Variants in KIF9 observed in about 807,000 individuals in gnomAD.
KIF9 encodes kinesin-like protein KIF9.
Under a neutral mutation model 94.8 loss-of-function variants are expected in KIF9, and 68 were observed. The observed-to-expected ratio is 0.72, with a 90% CI of 0.59 to 0.88. The LOEUF (loss-of-function observed/expected upper bound fraction) is 0.88, where lower values mean the gene tolerates loss of function less well. Ranked by LOEUF, KIF9 falls within the 40% of genes least tolerant of loss-of-function variation. KIF9 has a pLI of 0.00. For missense variants in KIF9, 882 were observed against 982.5 expected, an observed-to-expected ratio of 0.90 and a Z score of 1.37; for synonymous variants, 343 against 362.1, an observed-to-expected ratio of 0.95 and a Z score of 0.60.
At chr3:47,256,184 C>T (rs1047309176) in intron 10 of KIF9, among the ~76,000 whole-genome samples, 2 of 152,246 alleles carry the variant, frequency 1.3e-5, no homozygotes, top group South Asian at 2.1e-4. Flanking sequence ...GCCGCCACCC[C>T]GTCTGGGAAG....
intron 17 of KIF9, among the ~76,000 whole-genome samples, chr3:47,238,945 G>A (rs1699261319): frequency 6.6e-6 from 1 of 152,220 alleles, no homozygotes. Flanking sequence ...TTATAGGCGT[G>A]AGCCACCGCG....
rs769431151 is a variant in KIF9, at chr3:47,264,379, T to C, written c.917-29A>G. ...CGGAAAGCAAGACACAGAAGGGCTATGAACCATGTGTTTTTTCTGCTCCAA... is the reference window on the plus strand; with the variant it reads ...CGGAAAGCAAGACACAGAAGGGCTACGAACCATGTGTTTTTTCTGCTCCAA... On this transcript the variant is annotated intron_variant, in intron 8 of 20. Coordinates refer to ENST00000684063, the MANE Select transcript of KIF9 (RefSeq NM_182902.4). The C allele has an allele frequency of 3.8e-6, 6 of 1,589,226 alleles. No homozygotes were observed. In the South Asian group the frequency reaches 5.5e-5, roughly 15 times the overall value.
Position 47,265,782 on chromosome 3 carries a change from G to A in KIF9, c.864C>T (p.Asp288=), listed in dbSNP as rs1701254190. ...AIIALGDQKR[D]HIPFRQCKLT... ...GCTTGCACTGCCGAAAGGGGATGTGGTCCCGCTTCTGGTCCCCAAGGGCAA... is the reference window on the plus strand; with the variant it reads ...GCTTGCACTGCCGAAAGGGGATGTGATCCCGCTTCTGGTCCCCAAGGGCAA... The change falls in exon 8 of 21, where the codon GAC becomes GAT. Residue 288 remains aspartate, a synonymous_variant. Transcript: ENST00000684063. The A allele has an allele frequency of 6.2e-7, 1 of 1,614,052 alleles. No individual in the cohort carries two copies. The highest frequency in any genetic ancestry group is 1.3e-5 in the African/African-American group (1 of 74,914).
At position 47,253,097 on chromosome 3, in the gene KIF9, C is replaced by T. The variant is rs538108366; in HGVS notation, c.1059+4386G>A. Among the ~76,000 whole-genome samples the T allele has an allele frequency of 5.3e-4, 80 of 152,160 alleles. 1 individual carries two copies. Among genetic ancestry groups the T allele is most frequent in the Non-Finnish European group, 1.0e-3 (71 of 67,996 alleles). On this transcript the variant is annotated intron_variant, in intron 10 of 20. Coordinates refer to ENST00000684063, the MANE Select transcript of KIF9 (RefSeq NM_182902.4). Reference sequence around the variant, plus strand: ...ACAAAATAATGCCATAAAACCTGGGCAAACCGCCCCAAAATGTGACTTTAA... The same window carrying T: ...ACAAAATAATGCCATAAAACCTGGGTAAACCGCCCCAAAATGTGACTTTAA...
intron 17 of KIF9, chr3:47,239,785 C>T: frequency 7.3e-7 from 1 of 1,364,282 alleles, no homozygotes; most frequent in East Asian, 4.6e-5. Flanking sequence ...AATGCACCCC[C>T]TGTGAGTGAG....
intron 4 of KIF9, among the ~76,000 whole-genome samples, chr3:47,272,505 C>A (rs1383630863): frequency 1.3e-5 from 2 of 152,174 alleles, no homozygotes; most frequent in African/African-American, 4.8e-5. Context: ...ACAGATCAAG[C>A]ATTTCTGATA....
chr3:47,245,783 A>G (rs1273762905), intron 13 of KIF9: 1 of 518,858 alleles, frequency 1.9e-6, no homozygotes, highest in Non-Finnish European at 3.5e-6. Flanking sequence ...CGTAAGCTTC[A>G]CTTGGGACCA....
intron 1 of KIF9, chr3:47,282,107 C>A: frequency 1.3e-6 from 1 of 788,304 alleles, no homozygotes; most frequent in Non-Finnish European, 1.5e-6. Context: ...GCTTTGGACC[C>A]ATTCCGGTCC....
At chr3:47,248,377 G>A (rs1213615794) in intron 10 of KIF9, among the ~76,000 whole-genome samples, 1 of 152,052 alleles carries the variant, frequency 6.6e-6, no homozygotes, top group East Asian at 1.9e-4. Context: ...CAACTCCCAG[G>A]GGCCCCAGGC....
rs547877171 is a variant in KIF9, at chr3:47,254,620, C to A, written c.1059+2863G>T. On this transcript the variant is annotated intron_variant, in intron 10 of 20. Transcript: ENST00000684063. The stretch of plus-strand genomic sequence containing the variant: ...AGGGAGATTGTCTCACACACACACA[C>A]AAAAAAGTGTAGGTATTTTGCTAAG... Among the ~76,000 whole-genome samples, 199 of 151,984 alleles carry A rather than the reference C, an allele frequency of 1.3e-3. 2 individuals carry two copies. Among genetic ancestry groups the A allele is most frequent in the Middle Eastern group, 0.01 (3 of 294 alleles).
At chr3:47,270,776 CCT>C (rs1491241488) in intron 5 of KIF9, among the ~76,000 whole-genome samples, 1 of 150,948 alleles carries the variant, frequency 6.6e-6, no homozygotes, top group Non-Finnish European at 1.5e-5. Context: ...CTTTTTTGTT[CCT>C]TTTTTTTTTC....
At position 47,282,708 on chromosome 3, in the gene KIF9, G is replaced by C. The variant is rs1702476398; in HGVS notation, c.-219C>G. 3.6e-6 allele frequency: 5 copies of C among 1,378,536 alleles called. No individual in the cohort carries two copies. Among genetic ancestry groups the C allele is most frequent in the Admixed American group, 3.1e-5 (1 of 32,612 alleles). The allele number at this position is 1,378,536 out of a possible 1,614,324, so 85.4% of individuals were successfully genotyped here. On this transcript the variant is annotated 5_prime_UTR_variant, in exon 1 of 21. Transcript: ENST00000684063. ...GCCGAATCGGGAAGACGAGAGATGG[G>C]GCCGATTGATCTAGAAAGACTTCGG...
intron 20 of KIF9, among the ~76,000 whole-genome samples, chr3:47,235,111 G>A (rs539643837): frequency 6.6e-6 from 1 of 152,298 alleles, no homozygotes; most frequent in Non-Finnish European, 1.5e-5. Flanking sequence ...CCTGCTCGAG[G>A]AGGAGAGTAC....
intron 20 of KIF9, among the ~76,000 whole-genome samples, chr3:47,229,925 G>C (rs1698436021): frequency 6.6e-6 from 1 of 151,872 alleles, no homozygotes; most frequent in African/African-American, 2.4e-5. Flanking sequence ...GTAAAGACAG[G>C]GTTTTACCAT....
At chr3:47,239,163 G>T (rs554571023) in intron 17 of KIF9, among the ~76,000 whole-genome samples, 16 of 152,264 alleles carry the variant, frequency 1.1e-4, no homozygotes, top group Non-Finnish European at 7.4e-5. Context: ...TCATGCCATT[G>T]CACTCCAGCC....
chr3:47,277,202 G>C (rs1448396068), intron 2 of KIF9, 80 bp downstream of exon 2: 1 of 1,048,146 alleles, frequency 9.5e-7, no homozygotes, highest in African/African-American at 1.6e-5. Context: ...TCCTTCAAAG[G>C]TTGCTTGGAA....
chr3:47,260,132 C>A (rs1462753723), intron 9 of KIF9, among the ~76,000 whole-genome samples: 5 of 128,526 alleles, frequency 3.9e-5, no homozygotes, highest in Admixed American at 1.7e-4. Flanking sequence ...GAGGTGGGAC[C>A]TGCGGGCAGC....
intron 5 of KIF9, among the ~76,000 whole-genome samples, chr3:47,269,250 T>C (rs967857126): frequency 3.3e-5 from 5 of 152,232 alleles, no homozygotes; most frequent in Non-Finnish European, 7.3e-5. Context: ...CTAGCCTATA[T>C]GACTTCTAAA....
chr3:47,267,577 G>A (rs1212692557), intron 5 of KIF9, among the ~76,000 whole-genome samples: 1 of 152,136 alleles, frequency 6.6e-6, no homozygotes, highest in African/African-American at 2.4e-5. Flanking sequence ...CAACAATTTG[G>A]GAATGATCTA....
Sources: gnomAD v4.1 joint callset for allele counts (sites outside exome capture counted in the v4.1 genomes callset) on GRCh38, gnomAD v4.1.1 for gene constraint, MANE v1.5 for transcripts, NCBI Gene and HGNC (gene_info 2026-07-23, HGNC 2026-07-21) for gene names.